The following CROCC variants were observed in gnomAD, a reference collection of about 807,000 sequenced individuals.
The protein encoded by CROCC is ciliary rootlet coiled-coil, rootletin, also known as rootletin.
CROCC carries 180 observed loss-of-function variants against 245.2 expected under a neutral mutation model. The ratio of observed to expected loss-of-function variants is 0.73; its 90% confidence interval spans 0.65 to 0.83. The LOEUF is 0.83. Among genes scored for constraint, CROCC ranks in the 40% least tolerant of loss-of-function variants. CROCC has a pLI of 0.00. For missense variants in CROCC, 2,688 were observed against 2,779.4 expected (o/e 0.97, Z 0.74); for synonymous variants, 1,205 against 1,241.6 (o/e 0.97, Z 0.62).
At position 16,948,451 on chromosome 1, in the gene CROCC, G is replaced by C. The variant is rs373566613; in HGVS notation, c.2635G>C (p.Ala879Pro). The C allele has an allele frequency of 6.4e-7, 1 of 1,561,188 alleles. No individual in the cohort carries two copies. Among genetic ancestry groups the C allele is most frequent in the Non-Finnish European group, 8.7e-7 (1 of 1,154,488 alleles). ...GAAGGAGGCGCTAGCCAAGGAGCAC[G>C]CTGGCCTGGCTGTGCAGCTGGTGGC... Reference protein sequence around the residue: ...REKEALAKEHAGLAVQLVAAE... With the variant: ...REKEALAKEHPGLAVQLVAAE... Residue 879 changes from alanine (A) to proline (P), a missense_variant, in exon 18 of 37, where the codon GCT becomes CCT. Around this residue, in one of 9 missense-constraint regions of CROCC, gnomAD observed 295 missense variants for 241.7 expected, o/e 1.22. Coordinates refer to ENST00000375541, the MANE Select transcript of CROCC (RefSeq NM_014675.5).
chr1:16,956,107 A>T lies in CROCC; in HGVS notation c.3815A>T (p.Glu1272Val), dbSNP rs1282181618. 1.3e-6 allele frequency: 2 copies of T among 1,550,568 alleles called. No individual in the cohort carries two copies. Among genetic ancestry groups the T allele is most frequent in the South Asian group, 2.4e-5 (2 of 84,004 alleles). The change falls in exon 25 of 37, where the codon GAG becomes GTG. Residue 1272 changes from glutamate (E) to valine (V), a missense_variant. By Grantham distance (121) the Glu-to-Val change is moderately radical. This residue lies in a region of CROCC where 1,218 missense variants were observed against 1,286.3 expected (regional missense o/e 0.95). Transcript: ENST00000375541. Reference sequence around the variant, plus strand: ...CTGCGAACTGGGCTGCAGGAGGTGGAGCGCTCACGGCTGGAGGCTCGGCGG... The same window carrying T: ...CTGCGAACTGGGCTGCAGGAGGTGGTGCGCTCACGGCTGGAGGCTCGGCGG... ...GELRTGLQEV[E>V]RSRLEARREL...
Position 16,938,390 on chromosome 1 carries a change from C to T in CROCC, c.1291-10C>T, listed in dbSNP as rs1362915219. ...CCCAACCACCCTTTGTCTCCCTAAC[C>T]GCACTCCAGGAATCCCTGCGGCTAC... is the stretch of plus-strand genomic sequence containing the variant. On this transcript the variant is annotated splice_polypyrimidine_tract_variant and intron_variant, in intron 10 of 36. Transcript: ENST00000375541. The T allele has an allele frequency of 9.6e-6, 15 of 1,555,860 alleles. No homozygotes were observed. Among genetic ancestry groups the T allele is most frequent in the African/African-American group, 4.1e-5 (3 of 73,506 alleles).
Position 16,969,179 on chromosome 1 carries a change from C to T in CROCC, c.5140C>T (p.Leu1714=), listed in dbSNP as rs571774687. The T allele has an allele frequency of 1.1e-5, 17 of 1,609,420 alleles. No individual in the cohort carries two copies. The African/African-American group carries it at 1.9e-4, about 18-fold the overall frequency. Residue 1714 remains leucine, a synonymous_variant, in exon 32 of 37, where the codon CTG becomes TTG. Coordinates refer to ENST00000375541, the MANE Select transcript of CROCC (RefSeq NM_014675.5). ...QLTVERLNGA[L]AKVEESEGAL... ...GACCGTGGAGCGGCTGAATGGGGCC[C>T]TGGCTAAGGTGGAGGAAAGCGAGGG... is the stretch of plus-strand genomic sequence containing the variant.
upstream of CROCC, among the ~76,000 whole-genome samples, chr1:16,921,161 CCG>C (rs2075395821): frequency 6.6e-6 from 1 of 152,264 alleles, no homozygotes; most frequent in Non-Finnish European, 1.5e-5. Context: ...TGTTTCATCC[CCG>C]GACGGCTCCG....
chr1:16,955,993 C>T lies in CROCC; in HGVS notation c.3705-4C>T. The T allele has an allele frequency of 3.2e-6, 5 of 1,550,042 alleles. No individual in the cohort carries two copies. Among genetic ancestry groups the T allele is most frequent in the Non-Finnish European group, 3.5e-6 (4 of 1,146,964 alleles). On this transcript the variant is annotated splice_polypyrimidine_tract_variant and splice_region_variant and intron_variant, in intron 24 of 36. Transcript: ENST00000375541. The stretch of plus-strand genomic sequence containing the variant: ...GGGCAGCCCCTGACCTCTGCCCTCT[C>T]CAGCCTGAAGCTTGCCAATGAGGAC...
At chr1:16,931,046 T>C (rs1229208704) in intron 7 of CROCC, among the ~76,000 whole-genome samples, 2 of 152,282 alleles carry the variant, frequency 1.3e-5, no homozygotes, top group Admixed American at 1.3e-4. Context: ...CCTTGCATTT[T>C]TGCCCTTCGT....
At chr1:16,928,599 C>T (rs373206768) in intron 3 of CROCC, among the ~76,000 whole-genome samples, 260 of 151,838 alleles carry the variant, frequency 1.7e-3, no homozygotes, top group African/African-American at 6.0e-3. Context: ...GTCAGGAGTT[C>T]GAGACCAGCC....
rs564347314 is a variant in CROCC, at chr1:16,972,760, C to T, written c.*314C>T. 4.3e-4 allele frequency: 84 copies of T among 197,246 alleles called. 1 individual carries two copies. Among genetic ancestry groups the T allele is most frequent in the African/African-American group, 1.9e-3 (83 of 42,956 alleles). 12.2% of individuals were successfully genotyped at this position (197,246 alleles called of 1,614,324 possible). ...TCTGGTCAGCCCTGGAGCATGGGATCGTGGGAAAGAGGAGGGGGACCAGGC... is the reference window on the plus strand; with the variant it reads ...TCTGGTCAGCCCTGGAGCATGGGATTGTGGGAAAGAGGAGGGGGACCAGGC... On this transcript the variant is annotated 3_prime_UTR_variant, in exon 37 of 37. Transcript: ENST00000375541.
Position 16,944,082 on chromosome 1 carries a change from C to T in CROCC, c.1809-18C>T, listed in dbSNP as rs774165802. 6.6e-6 allele frequency: 10 copies of T among 1,524,824 alleles called. No individual in the cohort carries two copies. The highest frequency in any genetic ancestry group is 1.2e-5 in the South Asian group (1 of 80,318). 94.5% of individuals were successfully genotyped at this position (1,524,824 alleles called of 1,614,324 possible). On this transcript the variant is annotated intron_variant, in intron 13 of 36. Coordinates refer to ENST00000375541, the MANE Select transcript of CROCC (RefSeq NM_014675.5). ...CAGCCCCAGCATCCCCTCTGCTCCC[C>T]CTCCCCTTGTCCTGAAGGGAGAAGA...
chr1:16,962,332 T>G (rs1570702089), intron 27 of CROCC, among the ~76,000 whole-genome samples: 1 of 147,808 alleles, frequency 6.8e-6, no homozygotes, highest in East Asian at 2.1e-4. Context: ...GATCACGAGG[T>G]CAGGAGATCG....
chr1:16,943,407 G>T (rs1176418433), intron 13 of CROCC, among the ~76,000 whole-genome samples: 1 of 151,030 alleles, frequency 6.6e-6, no homozygotes, highest in Non-Finnish European at 1.5e-5. Flanking sequence ...ACATGGTGGC[G>T]GGCGCCTGTA....
rs912823904 is a variant in CROCC at position 16,954,574 on chromosome 1, G to T, written c.3322-160G>T. ...CGTGAGGGAGAGGCTGGCTACACGG[G>T]CAGCACTCACTATGCATCCAGGGGT... On this transcript the variant is annotated intron_variant, in intron 22 of 36. Transcript: ENST00000375541. The surrounding 1 kb of genome is among the most constrained non-coding windows in gnomAD (Gnocchi z 4.4). Among the ~76,000 whole-genome samples the T allele has an allele frequency of 3.9e-5, 6 of 152,226 alleles. No homozygotes were observed. Among genetic ancestry groups the T allele is most frequent in the African/African-American group, 1.4e-4 (6 of 41,464 alleles).
rs866448899 is a variant in CROCC at position 16,936,107 on chromosome 1, A to G, written c.957-530A>G. Among the ~76,000 whole-genome samples, 20 of 152,004 alleles carry G rather than the reference A, an allele frequency of 1.3e-4. 1 individual carries two copies. The South Asian group carries it at 4.2e-3, about 32-fold the overall frequency. ...GAGTGGACAAATGGCATCCCAGTGT[A>G]GGGTTTTTTTTTTCTTCCTCTTTAG... On this transcript the variant is annotated intron_variant, in intron 8 of 36. Transcript: ENST00000375541.
rs1251136555 is a variant in CROCC at position 16,955,339 on chromosome 1, C to T, written c.3493C>T (p.Leu1165=). 2 of 1,608,516 alleles carry T rather than the reference C, an allele frequency of 1.2e-6. No individual in the cohort carries two copies. Among genetic ancestry groups the T allele is most frequent in the Non-Finnish European group, 1.7e-6 (2 of 1,179,680 alleles). The change falls in exon 24 of 37, where the codon CTG becomes TTG. Residue 1165 remains leucine, a synonymous_variant. Transcript: ENST00000375541. ...AGAAGAGCTTCGGACCCAGCTGCGT[C>T]TGCTGGAGGATGCCCGTGACGGGCT... ...EAEELRTQLR[L]LEDARDGLRR...
chr1:16,936,234 T>C (rs1293915401), intron 8 of CROCC, among the ~76,000 whole-genome samples: 1 of 152,242 alleles, frequency 6.6e-6, no homozygotes, highest in Non-Finnish European at 1.5e-5. Flanking sequence ...TGCAGGTGTA[T>C]GCCACCGCAC....
chr1:16,920,990 C>T (rs1424394013), upstream of CROCC, among the ~76,000 whole-genome samples: 3 of 152,376 alleles, frequency 2.0e-5, no homozygotes, highest in Non-Finnish European at 1.5e-5. Context: ...GTGATCCACC[C>T]GCTTTGTCCT....
rs1570648758 is a variant in CROCC, at chr1:16,943,942, T to C, written c.1809-158T>C. Among the ~76,000 whole-genome samples, 3 of 152,236 alleles carry C rather than the reference T, an allele frequency of 2.0e-5. No homozygotes were observed. In the East Asian group the frequency reaches 5.8e-4, roughly 29 times the overall value. On this transcript the variant is annotated intron_variant, in intron 13 of 36. Coordinates refer to ENST00000375541, the MANE Select transcript of CROCC (RefSeq NM_014675.5). ...CTTCTGCTGGAGTGTGTGAGTGAAA[T>C]GAGTCAGCCATGGACAGGGTGGTCA... is the stretch of plus-strand genomic sequence containing the variant.
At position 16,939,914 on chromosome 1, in the gene CROCC, G is replaced by A. The variant is rs2075887255; in HGVS notation, c.1629G>A (p.Glu543=). ...LQVQDMRGRY[E]ASQDLLGTLR... ...CCCAGGACATGCGTGGGCGCTATGA[G>A]GCAAGCCAGGACCTACTGGGCACCC... Residue 543 remains glutamate, a synonymous_variant, in exon 13 of 37, where the codon GAG becomes GAA. Coordinates refer to ENST00000375541, the MANE Select transcript of CROCC (RefSeq NM_014675.5). 1 of 1,612,324 alleles carries A rather than the reference G, an allele frequency of 6.2e-7. No individual in the cohort carries two copies. The highest frequency in any genetic ancestry group is 1.3e-5 in the African/African-American group (1 of 74,916).
At chr1:16,968,156 T>C in intron 30 of CROCC, 47 bp from the exon 31 acceptor site, 2 of 1,530,926 alleles carry the variant, frequency 1.3e-6, no homozygotes, top group East Asian at 2.4e-5. Flanking sequence ...GCGGGAGGGC[T>C]GCGGGGTGCA....
Sources: allele counts gnomAD v4.1 joint callset (sites outside exome capture counted in the v4.1 genomes callset), GRCh38; gene constraint gnomAD v4.1.1; regional missense constraint gnomAD v4.1.1; non-coding constraint Gnocchi (gnomAD v3.1); transcripts MANE v1.5; gene names NCBI Gene and HGNC (gene_info 2026-07-23, HGNC 2026-07-21).